MCU: variants seen among roughly 807,000 people sequenced by gnomAD.
The protein encoded by MCU is mitochondrial calcium uniporter.
MCU carries 12 observed loss-of-function variants against 45.2 expected under a neutral mutation model. The observed-to-expected ratio is 0.27, with a 90% CI of 0.17 to 0.43. The LOEUF (loss-of-function observed/expected upper bound fraction) is 0.43. Ranked by LOEUF, MCU falls within the 20% of genes least tolerant of loss-of-function variation. The probability of loss-of-function intolerance (pLI) is 1.00; values close to 1 mark genes in which losing one functional copy is unlikely to be tolerated. For missense variants in MCU, 324 were observed against 436.7 expected (o/e 0.74, Z 2.30); for synonymous variants, 160 against 165.1 (o/e 0.97, Z 0.24).
chr10:72,866,882 C>G (rs1460141232), intron 4 of MCU, among the ~76,000 whole-genome samples: 1 of 151,906 alleles, frequency 6.6e-6, no homozygotes, highest in Admixed American at 6.6e-5. Context: ...CAAGTTACTT[C>G]AGCCTCCTAG....
At chr10:72,744,260 G>A (rs1355262383) in intron 1 of MCU, among the ~76,000 whole-genome samples, 1 of 148,682 alleles carries the variant, frequency 6.7e-6, no homozygotes, top group Non-Finnish European at 1.5e-5. Flanking sequence ...AGATTTTTGG[G>A]TGCGTAATAT....
intron 1 of MCU, among the ~76,000 whole-genome samples, chr10:72,744,529 C>G (rs1222825993): frequency 6.6e-6 from 1 of 152,180 alleles, no homozygotes; most frequent in Non-Finnish European, 1.5e-5. Context: ...ACTCGGGAGG[C>G]TGGGGCAGGA....
chr10:72,728,531 A>AAG (rs1843129441), intron 1 of MCU, among the ~76,000 whole-genome samples: 1 of 152,174 alleles, frequency 6.6e-6, no homozygotes, highest in Non-Finnish European at 1.5e-5. Flanking sequence ...GATACGAGTG[A>AAG]AGAGTATTTC....
chr10:72,763,998 C>T (rs1041348365), intron 1 of MCU, among the ~76,000 whole-genome samples: 1 of 151,972 alleles, frequency 6.6e-6, no homozygotes, highest in Non-Finnish European at 1.5e-5. Context: ...TATTTTTTTT[C>T]TCTAAAAGTA....
chr10:72,808,450 A>C (rs941763260), intron 1 of MCU, among the ~76,000 whole-genome samples: 6 of 152,230 alleles, frequency 3.9e-5, no homozygotes, highest in Non-Finnish European at 7.3e-5. Flanking sequence ...TTTCAGGTAC[A>C]TTCTTAATAT....
At chr10:72,782,185 A>G (rs749114611) in intron 1 of MCU, among the ~76,000 whole-genome samples, 6 of 152,158 alleles carry the variant, frequency 3.9e-5, no homozygotes, top group South Asian at 2.1e-4. Context: ...GCCTGCCCCA[A>G]TACTCCTTTG....
At chr10:72,787,021 A>G (rs1844082516) in intron 1 of MCU, among the ~76,000 whole-genome samples, 2 of 152,240 alleles carry the variant, frequency 1.3e-5, no homozygotes, top group Admixed American at 6.5e-5. Flanking sequence ...TTCAAGGACC[A>G]TATTTTAATC....
chr10:72,751,702 C>A (rs1191750583), intron 1 of MCU, among the ~76,000 whole-genome samples: 1 of 151,966 alleles, frequency 6.6e-6, no homozygotes, highest in Non-Finnish European at 1.5e-5. Flanking sequence ...TCCCGAGGGT[C>A]TGGCTTCCTT....
At chr10:72,866,312 C>T (rs1189739444) in intron 4 of MCU, among the ~76,000 whole-genome samples, 5 of 152,068 alleles carry the variant, frequency 3.3e-5, no homozygotes, top group Non-Finnish European at 4.4e-5. Context: ...TCCTCTGCCC[C>T]GTGTTGCAAC....
At chr10:72,707,257 G>A (rs1842834030) in intron 1 of MCU, among the ~76,000 whole-genome samples, 2 of 147,750 alleles carry the variant, frequency 1.4e-5, no homozygotes, top group Admixed American at 1.4e-4. Context: ...GGAGGTCAGT[G>A]GTGTGATCTT....
intron 1 of MCU, among the ~76,000 whole-genome samples, chr10:72,735,624 T>C (rs1379217100): frequency 6.6e-6 from 1 of 152,170 alleles, no homozygotes; most frequent in Non-Finnish European, 1.5e-5. Context: ...AATGATCTAA[T>C]GGGAAGGTAA....
chr10:72,823,714 A>G (rs1427658797), intron 1 of MCU, among the ~76,000 whole-genome samples: 1 of 152,180 alleles, frequency 6.6e-6, no homozygotes, highest in African/African-American at 2.4e-5. Context: ...AGAGAAAGAG[A>G]ATAGAGGCTA....
intron 6 of MCU, among the ~76,000 whole-genome samples, chr10:72,873,613 T>G (rs1845579718): frequency 1.3e-5 from 2 of 152,010 alleles, no homozygotes; most frequent in South Asian, 4.2e-4. Flanking sequence ...TAGTTTGATA[T>G]AATCCCATCT....
chr10:72,697,187 G>T (rs564949982), intron 1 of MCU, among the ~76,000 whole-genome samples: 1 of 151,982 alleles, frequency 6.6e-6, no homozygotes, highest in Non-Finnish European at 1.5e-5. Context: ...CGTGATCTCG[G>T]CTCACTGCAA....
intron 1 of MCU, among the ~76,000 whole-genome samples, chr10:72,704,003 A>G (rs1478864687): frequency 6.6e-6 from 1 of 152,206 alleles, no homozygotes; most frequent in Non-Finnish European, 1.5e-5. Flanking sequence ...TTAAAGAAAT[A>G]TTAGTTGAGA....
intron 1 of MCU, among the ~76,000 whole-genome samples, chr10:72,800,954 G>C (rs568481564): frequency 6.6e-6 from 1 of 152,058 alleles, no homozygotes; most frequent in South Asian, 2.1e-4. Context: ...TAAAAAATTC[G>C]CTGGGCATGG....
chr10:72,802,576 T>C (rs1033988992), intron 1 of MCU, among the ~76,000 whole-genome samples: 4 of 152,198 alleles, frequency 2.6e-5, no homozygotes, highest in African/African-American at 7.2e-5. Context: ...GATAAATACT[T>C]ATCCATTGTA....
chr10:72,844,576 T>A (rs185635197), intron 2 of MCU, among the ~76,000 whole-genome samples: 1,722 of 151,774 alleles, frequency 0.011, 28 homozygotes, highest in African/African-American at 0.038. Context: ...TCTCAAAAAA[T>A]ATATATATAT....
At chr10:72,865,300 A>T (rs978539842) in intron 4 of MCU, among the ~76,000 whole-genome samples, 3 of 152,204 alleles carry the variant, frequency 2.0e-5, no homozygotes, top group Non-Finnish European at 4.4e-5. Flanking sequence ...AAATTAGGGT[A>T]TAAAGCTTGC....
Sources: gnomAD v4.1 joint callset for allele counts (sites outside exome capture counted in the v4.1 genomes callset) on GRCh38, gnomAD v4.1.1 for gene constraint, MANE v1.5 for transcripts, NCBI Gene and HGNC (gene_info 2026-07-23, HGNC 2026-07-21) for gene names.